DCC: variants seen among roughly 807,000 people sequenced by gnomAD.
DCC encodes netrin receptor DCC.
DCC carries 58 observed loss-of-function variants against 172.5 expected under a neutral mutation model. The ratio of observed to expected loss-of-function variants is 0.34; its 90% CI spans 0.27 to 0.42. The LOEUF (loss-of-function observed/expected upper bound fraction) is 0.42, where lower values mean the gene tolerates loss of function less well. Among genes scored for constraint, DCC ranks in the 10% least tolerant of loss-of-function variants. DCC has a pLI of 1.00. For missense variants in DCC, 1,740 were observed against 1,791.0 expected (o/e 0.97, Z 0.51); for synonymous variants, 709 against 644.5 (o/e 1.10, Z -1.52).
chr18:53,299,790 A>C (rs2057111308), intron 12 of DCC, among the ~76,000 whole-genome samples: 1 of 152,050 alleles, frequency 6.6e-6, no homozygotes, highest in Admixed American at 6.5e-5. Context: ...CCTCCTTTTG[A>C]CTCATGTTAT....
chr18:52,437,905 A>T (rs1238030219), intron 1 of DCC, among the ~76,000 whole-genome samples: 1 of 152,190 alleles, frequency 6.6e-6, no homozygotes, highest in Non-Finnish European at 1.5e-5. Flanking sequence ...TTAAGAGGTT[A>T]TCTATTTCGA....
chr18:52,827,941 T>C (rs1329053443), intron 2 of DCC, among the ~76,000 whole-genome samples: 1 of 152,162 alleles, frequency 6.6e-6, no homozygotes, highest in Non-Finnish European at 1.5e-5. Flanking sequence ...GTGTTGTTCA[T>C]TGAGTTGAAA....
At chr18:52,653,993 A>G (rs2035195417) in intron 1 of DCC, among the ~76,000 whole-genome samples, 1 of 151,982 alleles carries the variant, frequency 6.6e-6, no homozygotes, top group Admixed American at 6.6e-5. Context: ...TTATGTTACC[A>G]TTTTTCCTAG....
intron 21 of DCC, among the ~76,000 whole-genome samples, chr18:53,431,315 CAA>C (rs1163470637): frequency 1.3e-5 from 2 of 150,664 alleles, no homozygotes; most frequent in African/African-American, 4.9e-5. Flanking sequence ...CATAAAATTC[CAA>C]AGTTGTTAAG....
At chr18:52,927,824 G>A (rs2040243514) in intron 5 of DCC, among the ~76,000 whole-genome samples, 1 of 152,052 alleles carries the variant, frequency 6.6e-6, no homozygotes, top group Non-Finnish European at 1.5e-5. Context: ...GTGGGAATGT[G>A]ACTTAGTTCA....
chr18:52,961,281 T>C (rs768417649), intron 5 of DCC, among the ~76,000 whole-genome samples: 33 of 152,084 alleles, frequency 2.2e-4, no homozygotes, highest in Non-Finnish European at 4.1e-4. Context: ...CCCTAAAACT[T>C]AAAGTATAAT....
rs184376624 is a variant in DCC, at chr18:53,122,519, T to A, written c.1262-34837T>A. 2.5e-4 allele frequency among the ~76,000 whole-genome samples: 38 copies of A among 152,146 alleles called. No individual in the cohort carries two copies. In the East Asian group the frequency reaches 6.2e-3, roughly 25 times the overall value. ...AAGTTTCATTAAGATACAGATTTTT[T>A]TTCAGCTGATTCTTCTTTATTTCTG... On this transcript the variant is annotated intron_variant, in intron 7 of 28. Coordinates refer to ENST00000442544, the MANE Select transcript of DCC (RefSeq NM_005215.4).
At chr18:52,806,715 T>A (rs757274771) in intron 2 of DCC, among the ~76,000 whole-genome samples, 5 of 152,200 alleles carry the variant, frequency 3.3e-5, no homozygotes, top group Admixed American at 2.0e-4. Flanking sequence ...TATGGCTTCT[T>A]CCGGTTGTCA....
chr18:52,367,230 A>G (rs949878121), intron 1 of DCC, among the ~76,000 whole-genome samples: 1 of 152,136 alleles, frequency 6.6e-6, no homozygotes, highest in Non-Finnish European at 1.5e-5. Context: ...GCCCACCCGG[A>G]ACTCCAGCTG....
intron 6 of DCC, among the ~76,000 whole-genome samples, chr18:53,063,998 T>G (rs2042533689): frequency 6.6e-6 from 1 of 152,182 alleles, no homozygotes; most frequent in Admixed American, 6.6e-5. Context: ...TGGGTGCTGG[T>G]GGCATTGGTG....
chr18:52,755,938 CT>C (rs1426984860), intron 2 of DCC, among the ~76,000 whole-genome samples: 100 of 152,258 alleles, frequency 6.6e-4, no homozygotes, highest in African/African-American at 2.4e-3. Flanking sequence ...CTCTTAAAGG[CT>C]TGAGTGCACA....
chr18:52,929,236 T>G (rs544082595), intron 5 of DCC, among the ~76,000 whole-genome samples: 1 of 152,242 alleles, frequency 6.6e-6, no homozygotes, highest in African/African-American at 2.4e-5. Context: ...GATAAGTGGC[T>G]ATCCCAAGGG....
At chr18:52,348,364 G>A (rs531541109) in intron 1 of DCC, among the ~76,000 whole-genome samples, 8 of 152,178 alleles carry the variant, frequency 5.3e-5, no homozygotes, top group African/African-American at 1.9e-4. Flanking sequence ...AGTCATAGAA[G>A]GGTATCTTTT....
chr18:52,487,302 G>A (rs1048114487), intron 1 of DCC, among the ~76,000 whole-genome samples: 1 of 152,088 alleles, frequency 6.6e-6, no homozygotes, highest in African/African-American at 2.4e-5. Flanking sequence ...GGCTCAAAGT[G>A]TTGAAAATTA....
chr18:52,964,804 AT>A (rs1304845377), intron 5 of DCC, among the ~76,000 whole-genome samples: 1 of 152,178 alleles, frequency 6.6e-6, no homozygotes, highest in Admixed American at 6.5e-5. Context: ...ATCAGTTTCA[AT>A]TTGCAGAAAT....
Position 52,664,707 on chromosome 18 carries a change from G to A in DCC, c.92-87347G>A, listed in dbSNP as rs1053550205. On this transcript the variant is annotated intron_variant, in intron 1 of 28. Transcript: ENST00000442544. ...AGGATGGTCTCGATCTCCTGACCTC[G>A]TGATCCGCCCGCCTCGGCCTCCCAA... Among the ~76,000 whole-genome samples, 14 of 151,854 alleles carry A rather than the reference G, an allele frequency of 9.2e-5. 1 individual carries two copies. The South Asian group carries it at 2.7e-3, about 29-fold the overall frequency.
At position 53,157,403 on chromosome 18, in the gene DCC, C is replaced by A; in HGVS notation, c.1309C>A (p.Pro437Thr). 6.2e-7 allele frequency: 1 copy of A among 1,614,114 alleles called. No homozygotes were observed. Among genetic ancestry groups the A allele is most frequent in the Non-Finnish European group, 8.5e-7 (1 of 1,180,002 alleles). ...CCCTTCGGCTCCCAGAGATGTGGTCCCTGTCTTGGTTTCCAGCCGATTTGT... is the reference window on the plus strand; with the variant it reads ...CCCTTCGGCTCCCAGAGATGTGGTCACTGTCTTGGTTTCCAGCCGATTTGT... ...VLPSAPRDVV[P>T]VLVSSRFVRL... The change falls in exon 8 of 29, where the codon CCT becomes ACT. Residue 437 changes from proline to threonine, a missense_variant. Pro to Thr is a conservative substitution (Grantham distance 38). Transcript: ENST00000442544.
At chr18:52,683,243 T>G (rs930103392) in intron 1 of DCC, among the ~76,000 whole-genome samples, 1 of 152,118 alleles carries the variant, frequency 6.6e-6, no homozygotes, top group Non-Finnish European at 1.5e-5. Context: ...CAGGTTTTTC[T>G]ACTTCTTAAG....
At chr18:52,887,750 G>C (rs190965883) in intron 2 of DCC, among the ~76,000 whole-genome samples, 111 of 152,198 alleles carry the variant, frequency 7.3e-4, no homozygotes, top group South Asian at 5.2e-3. Context: ...CAGTTTCATA[G>C]TATAGCTTAT....
Sources: gnomAD v4.1 joint callset for allele counts (sites outside exome capture counted in the v4.1 genomes callset) on GRCh38, gnomAD v4.1.1 for gene constraint, MANE v1.5 for transcripts, NCBI Gene and HGNC (gene_info 2026-07-23, HGNC 2026-07-21) for gene names.